UBP1: variants seen among roughly 807,000 people sequenced by gnomAD.
UBP1 encodes upstream-binding protein 1.
Under a neutral mutation model 76.1 loss-of-function variants are expected in UBP1, and 22 were observed. The observed-to-expected ratio is 0.29, with a 90% CI of 0.21 to 0.41. The LOEUF is 0.41. Ranked by LOEUF, UBP1 falls within the 10% of genes least tolerant of loss-of-function variation. The pLI, the probability that UBP1 is intolerant of heterozygous loss-of-function variation, is 1.00. For missense variants in UBP1, 436 were observed against 668.1 expected (o/e 0.65, Z 3.83); for synonymous variants, 224 against 237.1 (o/e 0.94, Z 0.51).
chr3:33,416,956 C>A, intron 2 of UBP1, 122 bp from the exon 3 acceptor site: 1 of 809,652 alleles, frequency 1.2e-6, no homozygotes, highest in Non-Finnish European at 2.0e-6. Context: ...TAATTTGCTA[C>A]GGAAGCAAAT....
chr3:33,389,480 G>GT lies in UBP1; in HGVS notation c.*850dup, dbSNP rs1164673371. 1 of 89,944 alleles carries GT rather than the reference G, an allele frequency of 1.1e-5. No individual in the cohort carries two copies. Among genetic ancestry groups the GT allele is most frequent in the African/African-American group, 4.3e-5 (1 of 23,226 alleles). The allele number at this position is 89,944 out of a possible 1,614,324, so 5.6% of individuals were successfully genotyped here. A position where few individuals can be genotyped will look rare whatever the true frequency, so the allele number is the denominator to read the frequency against. On this transcript the variant is annotated 3_prime_UTR_variant, in exon 16 of 16. Transcript: ENST00000283629. ...TTTAATAGGATGGTGGGGGTGGGGG[G>GT]TTAGGGTGGGGGTGGTCAGAGATGG...
At chr3:33,406,459 T>G (rs943882849) in intron 8 of UBP1, among the ~76,000 whole-genome samples, 1 of 152,186 alleles carries the variant, frequency 6.6e-6, no homozygotes, top group African/African-American at 2.4e-5. Flanking sequence ...TAACACAGCA[T>G]AACATACATG....
At chr3:33,411,556 C>T in intron 5 of UBP1, 25 bp downstream of exon 5, 1 of 1,599,178 alleles carries the variant, frequency 6.3e-7, no homozygotes, top group Non-Finnish European at 8.6e-7. Flanking sequence ...GGTTAGTAAG[C>T]TTCTAATAAT....
chr3:33,393,971 T>C (rs927096762), intron 13 of UBP1, among the ~76,000 whole-genome samples: 8 of 152,046 alleles, frequency 5.3e-5, no homozygotes, highest in Admixed American at 1.3e-4. Flanking sequence ...ATATACTTCA[T>C]GTATTTCTAG....
At chr3:33,418,860 C>CAAAAAAAAAAAAAAAAAAAAAAAAAAAAA (rs59774815) in intron 2 of UBP1, among the ~76,000 whole-genome samples, 1 of 76,768 alleles carries the variant, frequency 1.3e-5, no homozygotes, top group Non-Finnish European at 2.5e-5. Flanking sequence ...ACTCTGTCTC[C>CAAAAAAAAAAAAAAAAAAAAAAAAAAAAA]AAAAAAAAAA....
At chr3:33,425,858 A>G in intron 1 of UBP1, 117 bp from the exon 2 acceptor site, 1 of 909,274 alleles carries the variant, frequency 1.1e-6, no homozygotes, top group Non-Finnish European at 1.5e-6. Flanking sequence ...ATAAACATTT[A>G]GGGATAGTTT....
chr3:33,424,149 T>G (rs2044969473), intron 2 of UBP1, among the ~76,000 whole-genome samples: 1 of 152,260 alleles, frequency 6.6e-6, no homozygotes, highest in Non-Finnish European at 1.5e-5. Flanking sequence ...CTGTTATTTT[T>G]ATGTCTACAA....
rs568434443 is a variant in UBP1, at chr3:33,412,008, G to A, written c.449-321C>T. 3.3e-5 allele frequency among the ~76,000 whole-genome samples: 5 copies of A among 152,100 alleles called. No homozygotes were observed. In the East Asian group the frequency reaches 9.7e-4, roughly 29 times the overall value. ...TTGAGACCAGCCTGGCGAACATGGT[G>A]AAACCCCGTCTCTACTAAAAATACA... On this transcript the variant is annotated intron_variant, in intron 4 of 15. Coordinates refer to ENST00000283629, the MANE Select transcript of UBP1 (RefSeq NM_014517.5).
chr3:33,408,871 C>A, intron 7 of UBP1, 74 bp from the exon 8 acceptor site: 1 of 1,278,098 alleles, frequency 7.8e-7, no homozygotes, highest in South Asian at 1.2e-5. Context: ...TGTTTCATGT[C>A]TCTTCAGTCC....
At position 33,425,086 on chromosome 3, in the gene UBP1, T is replaced by C. The variant is rs140713089; in HGVS notation, c.265+504A>G. 4.8e-4 allele frequency among the ~76,000 whole-genome samples: 73 copies of C among 152,014 alleles called. No homozygotes were observed. In the East Asian group the frequency reaches 0.01, roughly 21 times the overall value. Reference sequence around the variant, plus strand: ...ACTACCCCCACATCTCTATTTTCCCTCCTTCCCCACCAACCCTTTCATATC... The same window carrying C: ...ACTACCCCCACATCTCTATTTTCCCCCCTTCCCCACCAACCCTTTCATATC... On this transcript the variant is annotated intron_variant, in intron 2 of 15. Transcript: ENST00000283629.
intron 3 of UBP1, among the ~76,000 whole-genome samples, chr3:33,415,239 C>A (rs1416277360): frequency 6.6e-6 from 1 of 152,204 alleles, no homozygotes; most frequent in Non-Finnish European, 1.5e-5. Flanking sequence ...CAGCTTGTCT[C>A]CACTGATAAA....
chr3:33,397,968 T>C (rs191376518), intron 11 of UBP1: 4 of 152,350 alleles, frequency 2.6e-5, no homozygotes, highest in Admixed American at 1.3e-4. Context: ...GCATAAATGA[T>C]ATGGCATCTA....
chr3:33,417,784 T>C (rs2154058319), intron 2 of UBP1, among the ~76,000 whole-genome samples: 1 of 152,320 alleles, frequency 6.6e-6, no homozygotes, highest in East Asian at 1.9e-4. Context: ...TAATATCACA[T>C]GAAGTTGAGA....
At chr3:33,432,125 A>C (rs1326202606) in intron 1 of UBP1, among the ~76,000 whole-genome samples, 1 of 152,190 alleles carries the variant, frequency 6.6e-6, no homozygotes, top group Non-Finnish European at 1.5e-5. Flanking sequence ...CCCAGAGACC[A>C]GCCTGGGTAA....
At chr3:33,431,187 A>G (rs1441535824) in intron 1 of UBP1, among the ~76,000 whole-genome samples, 1 of 152,154 alleles carries the variant, frequency 6.6e-6, no homozygotes, top group Non-Finnish European at 1.5e-5. Context: ...TATAGGTAAA[A>G]AGAAGTTATT....
At chr3:33,397,205 C>A in intron 11 of UBP1, 70 bp from the exon 12 acceptor site, 1 of 1,174,102 alleles carries the variant, frequency 8.5e-7, no homozygotes, top group South Asian at 1.5e-5. Context: ...AGGCATCTGT[C>A]TTCATGCAGT....
Position 33,416,808 on chromosome 3 carries a change from C to A in UBP1, c.292G>T (p.Asp98Tyr), listed in dbSNP as rs1260246911. 3.7e-6 allele frequency: 6 copies of A among 1,613,582 alleles called. No individual in the cohort carries two copies. Among genetic ancestry groups the A allele is most frequent in the Non-Finnish European group, 5.1e-6 (6 of 1,179,682 alleles). Reference protein sequence around the residue: ...QGQSYEIRMLDNRKMGDMPEI... With the variant: ...QGQSYEIRMLYNRKMGDMPEI... ...GGCATATCACCCATTTTCCGATTATCCAGCATCCGAATTTCATATGACTGA... is the reference window on the plus strand; with the variant it reads ...GGCATATCACCCATTTTCCGATTATACAGCATCCGAATTTCATATGACTGA... The change falls in exon 3 of 16, where the codon GAT (aspartate) becomes TAT (tyrosine). Residue 98 changes from aspartate to tyrosine, a missense_variant. Asp to Tyr is a radical substitution (Grantham distance 160). Coordinates refer to ENST00000283629, the MANE Select transcript of UBP1 (RefSeq NM_014517.5).
chr3:33,437,871 C>CA (rs2045227399), intron 1 of UBP1, among the ~76,000 whole-genome samples: 1 of 152,114 alleles, frequency 6.6e-6, no homozygotes, highest in South Asian at 2.1e-4. Flanking sequence ...GAATTTCAAA[C>CA]AAAGGGCCTT....
chr3:33,421,560 G>A (rs766241570), intron 2 of UBP1, among the ~76,000 whole-genome samples: 36 of 152,120 alleles, frequency 2.4e-4, no homozygotes, highest in African/African-American at 7.5e-4. Flanking sequence ...ATGCGCCACC[G>A]CACCCAGCCT....
Sources: gnomAD v4.1 joint callset for allele counts (sites outside exome capture counted in the v4.1 genomes callset) on GRCh38, gnomAD v4.1.1 for gene constraint, MANE v1.5 for transcripts, NCBI Gene and HGNC (gene_info 2026-07-23, HGNC 2026-07-21) for gene names.